MROH1: variants seen among roughly 807,000 people sequenced by gnomAD.
MROH1 encodes the protein maestro heat-like repeat-containing protein family member 1.
In MROH1, 117 loss-of-function variants were observed where a neutral mutation model predicts 116.5. The ratio of observed to expected loss-of-function variants is 1.00; its 90% CI spans 0.86 to 1.17. The LOEUF is 1.17. Among genes scored for constraint, MROH1 ranks in the 50% most tolerant of loss-of-function variants. The pLI, the probability that MROH1 is intolerant of heterozygous loss-of-function variation, is 0.00. For missense variants in MROH1, 1,873 were observed against 1,338.5 expected, an observed-to-expected ratio of 1.40 and a Z score of -6.23; for synonymous variants, 921 against 583.9, an observed-to-expected ratio of 1.58 and a Z score of -8.32.
chr8:144,177,929 TTTC>T (rs1011307893), intron 4 of MROH1, among the ~76,000 whole-genome samples: 9 of 151,838 alleles, frequency 5.9e-5, no homozygotes, highest in African/African-American at 2.2e-4. Context: ...TTAGACCTTT[TTTC>T]TTTGTAAGTT....
chr8:144,205,170 G>A (rs772679457), intron 12 of MROH1, among the ~76,000 whole-genome samples: 16 of 152,170 alleles, frequency 1.1e-4, no homozygotes, highest in Non-Finnish European at 2.2e-4. Context: ...GATTACAGGC[G>A]TGAGCCATTG....
intron 14 of MROH1, among the ~76,000 whole-genome samples, chr8:144,236,896 C>CTTTTTT (rs1164804321): frequency 4.3e-5 from 3 of 69,320 alleles, no homozygotes; most frequent in African/African-American, 1.2e-4. Context: ...TCTCCTATTC[C>CTTTTTT]TTTTTTTTTT....
chr8:144,254,504 T>A (rs1588516009), intron 33 of MROH1: 1 of 324,128 alleles, frequency 3.1e-6, no homozygotes, highest in South Asian at 4.6e-5. Context: ...TGCTGCTTCC[T>A]CCAGGGAAGA....
chr8:144,257,551 C>G (rs1166101442), intron 35 of MROH1, among the ~76,000 whole-genome samples: 5 of 152,222 alleles, frequency 3.3e-5, no homozygotes, highest in Non-Finnish European at 5.9e-5. Context: ...ATCACCAGAT[C>G]TCTAACAAGC....
chr8:144,248,541 G>A (rs1251686940), intron 31 of MROH1, among the ~76,000 whole-genome samples: 1 of 152,176 alleles, frequency 6.6e-6, no homozygotes, highest in Non-Finnish European at 1.5e-5. Context: ...GTTCTAGAGA[G>A]CTCCAGGGCG....
chr8:144,224,331 G>A (rs1564515779), intron 14 of MROH1, among the ~76,000 whole-genome samples: 1 of 152,082 alleles, frequency 6.6e-6, no homozygotes, highest in African/African-American at 2.4e-5. Flanking sequence ...GTGCATTGGC[G>A]AGATCACAGC....
At chr8:144,172,414 T>C (rs1179541133) in intron 4 of MROH1, among the ~76,000 whole-genome samples, 3 of 147,070 alleles carry the variant, frequency 2.0e-5, no homozygotes, top group Non-Finnish European at 3.0e-5. Context: ...TTTTTTTTTC[T>C]TTTTTTTTTT....
chr8:144,219,792 A>G (rs112728289), intron 12 of MROH1, among the ~76,000 whole-genome samples: 1,782 of 152,318 alleles, frequency 0.012, 26 homozygotes, highest in African/African-American at 0.038. Flanking sequence ...ACAGTGAGAG[A>G]CAAGGTGTTC....
intron 7 of MROH1, among the ~76,000 whole-genome samples, chr8:144,185,028 G>A (rs529778364): frequency 6.6e-6 from 1 of 152,342 alleles, no homozygotes; most frequent in Admixed American, 6.5e-5. Context: ...AGCAAGAAAG[G>A]AGCTGAGGAG....
At position 144,179,343 on chromosome 8, in the gene MROH1, A is replaced by C. The variant is rs554497102; in HGVS notation, c.169-112A>C. The C allele has an allele frequency of 2.2e-5, 33 of 1,472,116 alleles. No individual in the cohort carries two copies. The African/African-American group carries it at 3.9e-4, about 17-fold the overall frequency. 91.2% of individuals were successfully genotyped at this position (1,472,116 alleles called of 1,614,324 possible). Reference sequence around the variant, plus strand: ...ATCAGGTGTACCCCTCCCCTCCTGCACTTGAGGCAGAGAGATTTGTGCGGT... The same window carrying C: ...ATCAGGTGTACCCCTCCCCTCCTGCCCTTGAGGCAGAGAGATTTGTGCGGT... On this transcript the variant is annotated intron_variant, in intron 4 of 43. Coordinates refer to ENST00000326134, the MANE Select transcript of MROH1 (RefSeq NM_032450.3).
At chr8:144,239,592 C>T (rs1840626989) in intron 17 of MROH1, 22 bp from the exon 18 acceptor site, 2 of 770,936 alleles carry the variant, frequency 2.6e-6, no homozygotes, top group African/African-American at 1.7e-5. Context: ...TCAGACCCGG[C>T]TCCCACGCTG....
rs1322186205 is a variant in MROH1, at chr8:144,180,747, C to T, written c.562+224C>T. Among the ~76,000 whole-genome samples the T allele has an allele frequency of 6.6e-6, 1 of 152,166 alleles. No homozygotes were observed. The highest frequency in any genetic ancestry group is 1.5e-5 in the Non-Finnish European group (1 of 68,010). ...CTCTCTACTCCTGGAGAGCCCCCCA[C>T]CTTACATTGTGGGTCCACTGAGGGC... is the stretch of plus-strand genomic sequence containing the variant. On this transcript the variant is annotated intron_variant, in intron 7 of 43. Coordinates refer to ENST00000326134, the MANE Select transcript of MROH1 (RefSeq NM_032450.3). This position sits in a 1 kb window ranked among gnomAD's most constrained non-coding sequence, Gnocchi z 7.4.
At chr8:144,234,297 C>G (rs539770534) in intron 14 of MROH1, among the ~76,000 whole-genome samples, 1 of 152,020 alleles carries the variant, frequency 6.6e-6, no homozygotes. Context: ...CGTGAGCCAC[C>G]GCGCCCGGCT....
chr8:144,232,466 G>GTTTATTTA (rs781967340), intron 14 of MROH1, among the ~76,000 whole-genome samples: 257 of 144,404 alleles, frequency 1.8e-3, no homozygotes, highest in African/African-American at 6.2e-3. Flanking sequence ...TGAGTGCTTT[G>GTTTATTTA]TTTGTTTGTT....
intron 30 of MROH1, 44 bp downstream of exon 30, chr8:144,247,480 G>C: frequency 1.3e-6 from 1 of 765,176 alleles, no homozygotes; most frequent in Non-Finnish European, 2.4e-6. Flanking sequence ...TCGTGCAGGG[G>C]TGCTTGGAGG....
intron 4 of MROH1, among the ~76,000 whole-genome samples, chr8:144,169,627 TTTTA>T (rs1434398947): frequency 1.3e-5 from 2 of 148,272 alleles, no homozygotes; most frequent in African/African-American, 4.9e-5. Context: ...AATTTTGTAT[TTTTA>T]TTTTTATTAT....
chr8:144,212,580 CTTTTTTTTT>C (rs59225464), intron 12 of MROH1, among the ~76,000 whole-genome samples: 9 of 47,200 alleles, frequency 1.9e-4, no homozygotes, highest in South Asian at 1.3e-3. Context: ...TCTTCTGTTA[CTTTTTTTTT>C]TTTTTTTTTT....
chr8:144,168,458 T>TG lies in MROH1; in HGVS notation c.168+22dup, dbSNP rs34644911. ...ATGACAAGGTATGTGTGCTCCTTGGTGGGGATGATGTTGTCAGGGCCATGG... is the reference window on the plus strand; with the variant it reads ...ATGACAAGGTATGTGTGCTCCTTGGTGGGGGATGATGTTGTCAGGGCCATGG... On this transcript the variant is annotated intron_variant, in intron 4 of 43. Coordinates refer to ENST00000326134, the MANE Select transcript of MROH1 (RefSeq NM_032450.3). 3.1e-6 allele frequency: 5 copies of TG among 1,589,382 alleles called. No individual in the cohort carries two copies. The highest frequency in any genetic ancestry group is 4.3e-6 in the Non-Finnish European group (5 of 1,167,494).
chr8:144,161,294 A>G (rs1819462244), intron 2 of MROH1, among the ~76,000 whole-genome samples: 1 of 152,058 alleles, frequency 6.6e-6, no homozygotes, highest in Non-Finnish European at 1.5e-5. Context: ...GTTCATACAC[A>G]CAGGTTCTGG....
Sources: allele counts gnomAD v4.1 joint callset (sites outside exome capture counted in the v4.1 genomes callset), GRCh38; gene constraint gnomAD v4.1.1; non-coding constraint Gnocchi (gnomAD v3.1); transcripts MANE v1.5; gene names NCBI Gene and HGNC (gene_info 2026-07-23, HGNC 2026-07-21).